The following EYS variants were observed in gnomAD, a reference collection of about 807,000 sequenced individuals.
EYS encodes EGF-like photoreceptor maintenance factor, also known as protein eyes shut homolog.
Under a neutral mutation model 282.1 loss-of-function variants are expected in EYS, and 250 were observed. That is an observed-to-expected ratio of 0.89 (90% CI 0.80 to 0.98). EYS has a LOEUF of 0.98. EYS is among the 50% of genes least tolerant of loss of function. The probability of loss-of-function intolerance (pLI) is 0.00; values close to 1 mark genes in which losing one functional copy is unlikely to be tolerated. For synonymous variants in EYS, 1,355 were observed against 1,282.9 expected, an observed-to-expected ratio of 1.06 and a Z score of -1.20; for missense variants, 4,016 against 3,709.0, an observed-to-expected ratio of 1.08 and a Z score of -2.15.
At chr6:64,823,941 C>T (rs189689197) in intron 19 of EYS, among the ~76,000 whole-genome samples, 2 of 151,960 alleles carry the variant, frequency 1.3e-5, no homozygotes, top group East Asian at 3.9e-4. Flanking sequence ...AAGTAATAAG[C>T]TTATTACAGT....
intron 22 of EYS, among the ~76,000 whole-genome samples, chr6:64,688,998 G>C (rs964253358): frequency 6.6e-6 from 1 of 151,938 alleles, no homozygotes; most frequent in Non-Finnish European, 1.5e-5. Context: ...AGGAAATAAA[G>C]GGCATTCAAT....
At chr6:65,039,550 A>C (rs182278198) in intron 13 of EYS, among the ~76,000 whole-genome samples, 17 of 151,648 alleles carry the variant, frequency 1.1e-4, no homozygotes, top group African/African-American at 4.1e-4. Context: ...CATTGAATCT[A>C]TGAATTATCT....
At chr6:64,653,345 T>C (rs1768630469) in intron 22 of EYS, among the ~76,000 whole-genome samples, 1 of 152,108 alleles carries the variant, frequency 6.6e-6, no homozygotes, top group Admixed American at 6.6e-5. Context: ...TTTGTGATAG[T>C]TTGTTATGGC....
At chr6:65,297,681 T>A (rs1324035489) in intron 11 of EYS, among the ~76,000 whole-genome samples, 2 of 152,026 alleles carry the variant, frequency 1.3e-5, no homozygotes, top group Non-Finnish European at 2.9e-5. Context: ...CATTTTTTAC[T>A]GGGCAAGTAA....
chr6:65,344,101 G>A lies in EYS; in HGVS notation c.1536C>T (p.Thr512=), dbSNP rs2150319907. 1 of 1,610,464 alleles carries A rather than the reference G, an allele frequency of 6.2e-7. No homozygotes were observed. The highest frequency in any genetic ancestry group is 8.5e-7 in the Non-Finnish European group (1 of 1,177,696). Residue 512 remains threonine (T), a synonymous_variant, in exon 10 of 43, where the codon ACC becomes ACT. Transcript: ENST00000503581. ...TATTATCTTCAGGATCGTTCACATA[G>A]GTTGCATCTTCAGTGCAGTTTGCAG... ...FLAANCTEDA[T]YVNDPEDNNS...
rs188941116 is a variant in EYS, at chr6:63,801,969, T to C, written c.7411+4221A>G. Among the ~76,000 whole-genome samples, 7 of 152,314 alleles carry C rather than the reference T, an allele frequency of 4.6e-5. No homozygotes were observed. In the East Asian group the frequency reaches 1.3e-3, roughly 29 times the overall value. ...TGAGGAAGATAAAGGCAGCATATGG[T>C]ATGGTGATTTTTATAGTAACAACCA... On this transcript the variant is annotated intron_variant, in intron 37 of 42. Coordinates refer to ENST00000503581, the MANE Select transcript of EYS (RefSeq NM_001142800.2).
chr6:65,491,029 GT>G (rs1352140641), intron 4 of EYS, among the ~76,000 whole-genome samples: 1 of 151,788 alleles, frequency 6.6e-6, no homozygotes, highest in East Asian at 1.9e-4. Context: ...TTAAGTACCA[GT>G]TTTTCAACAT....
chr6:64,882,998 T>C (rs563113066), intron 19 of EYS, among the ~76,000 whole-genome samples: 1 of 151,448 alleles, frequency 6.6e-6, no homozygotes, highest in Non-Finnish European at 1.5e-5. Flanking sequence ...TGCATCTGAG[T>C]TATGGTATGA....
intron 12 of EYS, among the ~76,000 whole-genome samples, chr6:65,292,720 A>G (rs1768560630): frequency 1.3e-5 from 2 of 151,768 alleles, no homozygotes; most frequent in Admixed American, 1.3e-4. Context: ...CTGAAATGCA[A>G]ACGTGGTTGA....
At chr6:65,570,964 C>T (rs185755039) in intron 2 of EYS, among the ~76,000 whole-genome samples, 4 of 152,126 alleles carry the variant, frequency 2.6e-5, no homozygotes, top group African/African-American at 7.2e-5. Flanking sequence ...AACTCCATTA[C>T]ACATGTACAT....
At chr6:65,259,262 C>T (rs1264633703) in intron 12 of EYS, among the ~76,000 whole-genome samples, 1 of 151,994 alleles carries the variant, frequency 6.6e-6, no homozygotes, top group Non-Finnish European at 1.5e-5. Flanking sequence ...CCTCTTCTTC[C>T]CTCCTGGTGG....
chr6:65,353,726 C>T (rs546184778), intron 8 of EYS, 109 bp from the exon 9 acceptor site: 1 of 803,094 alleles, frequency 1.2e-6, no homozygotes, highest in Admixed American at 2.2e-5. Flanking sequence ...TTATAGAAAA[C>T]TTTATGGGAC....
Position 63,798,071 on chromosome 6 carries a change from C to T in EYS, c.7411+8119G>A, listed in dbSNP as rs146663734. The T allele has an allele frequency of 2.0e-5, 3 of 152,272 alleles. No homozygotes were observed. The East Asian group carries it at 5.8e-4, about 29-fold the overall frequency. 9.4% of individuals were successfully genotyped at this position (152,272 alleles called of 1,614,324 possible). A position where few individuals can be genotyped will look rare whatever the true frequency, so the allele number is the denominator to read the frequency against. On this transcript the variant is annotated intron_variant, in intron 37 of 42. Coordinates refer to ENST00000503581, the MANE Select transcript of EYS (RefSeq NM_001142800.2). Reference sequence around the variant, plus strand: ...TTTCCACAAGATGAAACCACATGGGCTTACTGCAAGTATAGTGTTCCCCTG... The same window carrying T: ...TTTCCACAAGATGAAACCACATGGGTTTACTGCAAGTATAGTGTTCCCCTG...
intron 1 of EYS, among the ~76,000 whole-genome samples, chr6:65,702,813 A>C (rs567655359): frequency 6.6e-6 from 1 of 152,210 alleles, no homozygotes; most frequent in South Asian, 2.1e-4. Context: ...GCGTGTGTGC[A>C]TAATGATGAT....
intron 31 of EYS, among the ~76,000 whole-genome samples, chr6:64,112,880 G>T (rs529845084): frequency 2.1e-4 from 32 of 151,612 alleles, no homozygotes; most frequent in African/African-American, 7.0e-4. Flanking sequence ...TACTGTGAAT[G>T]AGGTCCCAGG....
chr6:64,956,153 A>G (rs1167012812), intron 14 of EYS, among the ~76,000 whole-genome samples: 1 of 152,222 alleles, frequency 6.6e-6, no homozygotes, highest in African/African-American at 2.4e-5. Flanking sequence ...CTAAGCAAAA[A>G]GAATGAAATG....
chr6:65,479,763 T>A (rs553925380), intron 5 of EYS, among the ~76,000 whole-genome samples: 1 of 152,290 alleles, frequency 6.6e-6, no homozygotes, highest in South Asian at 2.1e-4. Context: ...CATGCAAATG[T>A]TTCATAAAGA....
At chr6:64,586,530 T>A (rs1766238190) in intron 26 of EYS, among the ~76,000 whole-genome samples, 1 of 152,042 alleles carries the variant, frequency 6.6e-6, no homozygotes, top group Non-Finnish European at 1.5e-5. Context: ...TTGGTATGAT[T>A]AGGAAATATT....
chr6:64,537,156 C>T (rs1457727066), intron 26 of EYS, among the ~76,000 whole-genome samples: 1 of 113,208 alleles, frequency 8.8e-6, no homozygotes, highest in Admixed American at 1.1e-4. Context: ...ATCCCTCCCC[C>T]CTCCCCCCAC....
Sources: allele counts gnomAD v4.1 joint callset (sites outside exome capture counted in the v4.1 genomes callset), GRCh38; gene constraint gnomAD v4.1.1; transcripts MANE v1.5; gene names NCBI Gene and HGNC (gene_info 2026-07-23, HGNC 2026-07-21).